BMERB1: variants seen among roughly 807,000 people sequenced by gnomAD.
BMERB1 encodes bMERB domain-containing protein 1.
In BMERB1, 12 loss-of-function variants were observed where a neutral mutation model predicts 23.6. The observed-to-expected ratio is 0.51, with a 90% CI of 0.33 to 0.82. The LOEUF (loss-of-function observed/expected upper bound fraction) is 0.82, where lower values mean the gene tolerates loss of function less well. Ranked by LOEUF, BMERB1 falls within the 40% of genes least tolerant of loss-of-function variation. The pLI, the probability that BMERB1 is intolerant of heterozygous loss-of-function variation, is 0.03. For synonymous variants in BMERB1, 122 were observed against 96.6 expected, an observed-to-expected ratio of 1.26 and a Z score of -1.54; for missense variants, 247 against 255.4, an observed-to-expected ratio of 0.97 and a Z score of 0.22.
At chr16:15,454,145 C>T (rs1201426021) in intron 1 of BMERB1, among the ~76,000 whole-genome samples, 1 of 152,136 alleles carries the variant, frequency 6.6e-6, no homozygotes. Context: ...AGGAAGACTT[C>T]AGACAGAACT....
intron 1 of BMERB1, among the ~76,000 whole-genome samples, chr16:15,455,951 G>C (rs1002845608): frequency 1.3e-5 from 2 of 152,178 alleles, no homozygotes; most frequent in African/African-American, 4.8e-5. Context: ...GGCTTATCAG[G>C]TTGACGTTTT....
chr16:15,583,199 A>G lies in BMERB1; in HGVS notation c.463A>G (p.Lys155Glu). 6.2e-7 allele frequency: 1 copy of G among 1,613,870 alleles called. No homozygotes were observed. Among genetic ancestry groups the G allele is most frequent in the Non-Finnish European group, 8.5e-7 (1 of 1,179,716 alleles). Residue 155 changes from lysine (K) to glutamate (E), a missense_variant, in exon 5 of 6, where the codon AAG becomes GAG. Transcript: ENST00000300006. ...DKEMADFLRIKLKPLDKVTKS... is the reference protein window; with the variant it reads ...DKEMADFLRIELKPLDKVTKS... The stretch of plus-strand genomic sequence containing the variant: ...GGAAATGGCTGATTTCCTGAGAATC[A>G]AGTTAAAACCTCTAGACAAAGTAAC...
intron 2 of BMERB1, among the ~76,000 whole-genome samples, chr16:15,537,618 T>C (rs1407005186): frequency 6.6e-6 from 1 of 151,684 alleles, no homozygotes; most frequent in African/African-American, 2.4e-5. Context: ...CCTCCCAAAG[T>C]GCTGGGATTA....
intron 1 of BMERB1, chr16:15,448,004 C>T (rs539060764): frequency 1.3e-3 from 560 of 437,382 alleles, no homozygotes; most frequent in Non-Finnish European, 1.6e-3. Flanking sequence ...ATTGTCCTGC[C>T]TCAGCCTCCT....
chr16:15,488,382 A>G (rs2051385662), intron 1 of BMERB1, among the ~76,000 whole-genome samples: 2 of 152,148 alleles, frequency 1.3e-5, no homozygotes, highest in African/African-American at 4.8e-5. Context: ...CCTTGGGGCC[A>G]TATTTTTCAT....
At chr16:15,491,861 C>T (rs2051423967) in intron 1 of BMERB1, among the ~76,000 whole-genome samples, 1 of 152,170 alleles carries the variant, frequency 6.6e-6, no homozygotes, top group South Asian at 2.1e-4. Flanking sequence ...ACTGTCTACC[C>T]CCGTAATGGC....
rs1206170284 is a variant in BMERB1 at position 15,568,004 on chromosome 16, C to T, written c.252C>T (p.Cys84=). The change falls in exon 3 of 6, where the codon TGC becomes TGT. Residue 84 remains cysteine, a synonymous_variant. Transcript: ENST00000300006. ...CCAGGATGGATGACATCCAGCTCTGCAAGGACATCATGGACTTGAAGCAGG... is the reference window on the plus strand; with the variant it reads ...CCAGGATGGATGACATCCAGCTCTGTAAGGACATCATGGACTTGAAGCAGG... ...LRFMMDDIQL[C]KDIMDLKQEL... is the part of the protein sequence containing the mutation. 1 of 1,613,966 alleles carries T rather than the reference C, an allele frequency of 6.2e-7. No individual in the cohort carries two copies. The highest frequency in any genetic ancestry group is 1.1e-5 in the South Asian group (1 of 91,072).
At position 15,474,304 on chromosome 16, in the gene BMERB1, T is replaced by G. The variant is rs1332136736; in HGVS notation, c.106+39545T>G. On this transcript the variant is annotated intron_variant, in intron 1 of 5. Coordinates refer to ENST00000300006, the MANE Select transcript of BMERB1 (RefSeq NM_033201.3). ...AATTTGGGAAGTTTTCAGCTATTGA[T>G]TCTTCAAATAATTTTTCAGTACCAT... 2.0e-5 allele frequency among the ~76,000 whole-genome samples: 3 copies of G among 152,150 alleles called. No individual in the cohort carries two copies. The East Asian group carries it at 5.8e-4, about 29-fold the overall frequency.
intron 1 of BMERB1, among the ~76,000 whole-genome samples, chr16:15,493,410 A>G (rs1000029509): frequency 6.6e-6 from 1 of 152,186 alleles, no homozygotes; most frequent in Non-Finnish European, 1.5e-5. Context: ...ATGGAAAAAG[A>G]ACATTGGCGG....
chr16:15,454,899 T>G (rs1002007026), intron 1 of BMERB1, among the ~76,000 whole-genome samples: 10 of 152,186 alleles, frequency 6.6e-5, no homozygotes, highest in Admixed American at 1.3e-4. Flanking sequence ...AAGACCTCCT[T>G]TGAACATAGC....
intron 1 of BMERB1, among the ~76,000 whole-genome samples, chr16:15,463,079 T>C (rs1598452148): frequency 2.8e-5 from 4 of 142,586 alleles, no homozygotes; most frequent in African/African-American, 1.0e-4. Flanking sequence ...GATAAATTTC[T>C]TTTTTTTTTT....
rs369664552 is a variant in BMERB1 at position 15,562,040 on chromosome 16, GC to G, written c.231-5942del. On this transcript the variant is annotated intron_variant, in intron 2 of 5. Coordinates refer to ENST00000300006, the MANE Select transcript of BMERB1 (RefSeq NM_033201.3). ...TAAAACATGACGGCTAGGTGCGGTGGCTCACGCCTATCATCCCAGCACTTTG... is the reference window on the plus strand; with the variant it reads ...TAAAACATGACGGCTAGGTGCGGTGGTCACGCCTATCATCCCAGCACTTTG... Among the ~76,000 whole-genome samples the G allele has an allele frequency of 1.6e-3, 241 of 152,162 alleles. 8 individuals are homozygous for G. The South Asian group carries it at 0.028, about 18-fold the overall frequency.
intron 3 of BMERB1, among the ~76,000 whole-genome samples, chr16:15,570,846 T>C (rs1400874784): frequency 6.6e-6 from 1 of 151,988 alleles, no homozygotes; most frequent in Admixed American, 6.5e-5. Context: ...TTAGACCATG[T>C]AGGGTAACTT....
chr16:15,493,411 A>T (rs77301909), intron 1 of BMERB1, among the ~76,000 whole-genome samples: 1 of 152,190 alleles, frequency 6.6e-6, no homozygotes, highest in Non-Finnish European at 1.5e-5. Flanking sequence ...TGGAAAAAGA[A>T]CATTGGCGGA....
intron 2 of BMERB1, among the ~76,000 whole-genome samples, chr16:15,556,749 C>G (rs1476919113): frequency 6.6e-6 from 1 of 152,054 alleles, no homozygotes; most frequent in Non-Finnish European, 1.5e-5. Flanking sequence ...CCACGCCCAG[C>G]TAATTTTTGT....
At chr16:15,515,030 C>G (rs192649829) in intron 1 of BMERB1, among the ~76,000 whole-genome samples, 58 of 152,180 alleles carry the variant, frequency 3.8e-4, no homozygotes, top group African/African-American at 1.3e-3. Context: ...TGCAGTGAGC[C>G]GAGATCGCTT....
intron 1 of BMERB1, among the ~76,000 whole-genome samples, chr16:15,485,614 C>G (rs537185665): frequency 1.2e-4 from 18 of 152,114 alleles, no homozygotes; most frequent in African/African-American, 4.1e-4. Context: ...TTCTGAGACA[C>G]TATTTCCCCG....
intron 2 of BMERB1, among the ~76,000 whole-genome samples, chr16:15,515,926 G>C (rs954062006): frequency 6.6e-6 from 1 of 152,172 alleles, no homozygotes; most frequent in East Asian, 1.9e-4. Context: ...CAGCATTCCT[G>C]AAGAGTTGCA....
chr16:15,435,780 A>T (rs1329172038), intron 1 of BMERB1, among the ~76,000 whole-genome samples: 1 of 152,094 alleles, frequency 6.6e-6, no homozygotes, highest in Non-Finnish European at 1.5e-5. Context: ...CTTTCTCTAT[A>T]CCTGTAATTA....
Sources: allele counts gnomAD v4.1 joint callset (sites outside exome capture counted in the v4.1 genomes callset), GRCh38; gene constraint gnomAD v4.1.1; transcripts MANE v1.5; gene names NCBI Gene and HGNC (gene_info 2026-07-23, HGNC 2026-07-21).